Variants in SPATA1 observed in about 807,000 individuals in gnomAD.
SPATA1 encodes spermatogenesis associated 1.
In SPATA1, 57 loss-of-function variants were observed where a neutral mutation model predicts 59.6. The observed-to-expected ratio is 0.96, with a 90% CI of 0.77 to 1.19. The LOEUF (loss-of-function observed/expected upper bound fraction) is 1.19. SPATA1 is among the 50% of genes most tolerant of loss of function. The pLI, the probability that SPATA1 is intolerant of heterozygous loss-of-function variation, is 0.00. For synonymous variants in SPATA1, 147 were observed against 163.9 expected, an observed-to-expected ratio of 0.90 and a Z score of 0.79; for missense variants, 448 against 480.7, an observed-to-expected ratio of 0.93 and a Z score of 0.64.
chr1:84,536,174 G>A (rs890903245), intron 8 of SPATA1, among the ~76,000 whole-genome samples: 5 of 152,216 alleles, frequency 3.3e-5, no homozygotes, highest in Admixed American at 6.5e-5. Flanking sequence ...ATTGGAAATA[G>A]ATTCAGAGCA....
chr1:84,554,098 G>C (rs572456610), exon 13 of SPATA1: 2 of 152,024 alleles, frequency 1.3e-5, no homozygotes, highest in African/African-American at 2.4e-5. Flanking sequence ...ACAACATAGC[G>C]AGACCCTGTC....
intron 8 of SPATA1, among the ~76,000 whole-genome samples, chr1:84,541,581 T>A (rs1431001153): frequency 6.6e-6 from 1 of 152,140 alleles, no homozygotes; most frequent in Non-Finnish European, 1.5e-5. Flanking sequence ...CACCTTCCTA[T>A]TTTCCATTTT....
Position 84,516,215 on chromosome 1 carries a change from C to G in SPATA1, c.-137-8C>G. The G allele has an allele frequency of 1.7e-6, 1 of 603,082 alleles. No homozygotes were observed. Among genetic ancestry groups the G allele is most frequent in the African/African-American group, 2.0e-5 (1 of 50,772 alleles). 37.4% of individuals were successfully genotyped at this position (603,082 alleles called of 1,614,324 possible). A position where few individuals can be genotyped will look rare whatever the true frequency, so the allele number is the denominator to read the frequency against. ...TGTGTTTTCCTTTTTATTTCTTGAACAAATCAGAGACCAGAAATGAGTGGA... is the reference window on the plus strand; with the variant it reads ...TGTGTTTTCCTTTTTATTTCTTGAAGAAATCAGAGACCAGAAATGAGTGGA... On this transcript the variant is annotated splice_region_variant and splice_polypyrimidine_tract_variant and intron_variant, in intron 1 of 12. Transcript: ENST00000490879.
chr1:84,565,291 A>C (rs1684669898), intron 4 of SPATA1, among the ~76,000 whole-genome samples: 2 of 152,214 alleles, frequency 1.3e-5, no homozygotes, highest in Admixed American at 6.5e-5. Context: ...TTTGAAGAGG[A>C]TAATGCAAAG....
chr1:84,566,646 TG>T (rs1368192141), downstream of SPATA1, among the ~76,000 whole-genome samples: 2 of 152,146 alleles, frequency 1.3e-5, no homozygotes, highest in Non-Finnish European at 1.5e-5. Context: ...CTTTCTTTTT[TG>T]GGGGGGATGG....
At chr1:84,543,051 A>C (rs1456796181) in intron 8 of SPATA1, among the ~76,000 whole-genome samples, 1 of 152,194 alleles carries the variant, frequency 6.6e-6, no homozygotes, top group Non-Finnish European at 1.5e-5. Context: ...CAATTATAAC[A>C]ATATACTATA....
At chr1:84,523,925 ATTATT>A (rs1683121800) in intron 4 of SPATA1, among the ~76,000 whole-genome samples, 1 of 151,980 alleles carries the variant, frequency 6.6e-6, no homozygotes, top group South Asian at 2.1e-4. Flanking sequence ...CTAATATTTT[ATTATT>A]TTAAACAGAT....
intron 3 of SPATA1, among the ~76,000 whole-genome samples, chr1:84,521,410 TC>T (rs1433910640): frequency 6.6e-6 from 1 of 152,196 alleles, no homozygotes; most frequent in African/African-American, 2.4e-5. Flanking sequence ...CTAATCTTCA[TC>T]ATCTCTTTCT....
chr1:84,554,446 G>C (rs780380090), exon 13 of SPATA1: 3 of 152,150 alleles, frequency 2.0e-5, no homozygotes, highest in Admixed American at 1.3e-4. Context: ...TTTAGTTCAA[G>C]TACCTCAGAG....
At chr1:84,516,969 T>G (rs1291663261) in intron 2 of SPATA1, among the ~76,000 whole-genome samples, 1 of 152,108 alleles carries the variant, frequency 6.6e-6, no homozygotes, top group Non-Finnish European at 1.5e-5. Context: ...AACAAGTATG[T>G]CATACCATCT....
At chr1:84,560,598 T>C (rs540952886) in intron 4 of SPATA1, among the ~76,000 whole-genome samples, 6 of 152,290 alleles carry the variant, frequency 3.9e-5, no homozygotes, top group African/African-American at 9.6e-5. Context: ...AAATCTTATA[T>C]TGGAAGAAGA....
Position 84,536,740 on chromosome 1 carries a change from G to A in SPATA1, c.717+2974G>A, listed in dbSNP as rs190059079. On this transcript the variant is annotated intron_variant, in intron 8 of 12. Coordinates refer to ENST00000490879, the Ensembl canonical transcript of SPATA1. ...ATTACAGGCATGAGCCACCGCACCCGGCCCACTTAATTCTTTAACCAGACA... is the reference window on the plus strand; with the variant it reads ...ATTACAGGCATGAGCCACCGCACCCAGCCCACTTAATTCTTTAACCAGACA... Among the ~76,000 whole-genome samples the A allele has an allele frequency of 3.7e-3, 560 of 152,094 alleles. 3 individuals are homozygous for A. Among genetic ancestry groups the A allele is most frequent in the Non-Finnish European group, 6.6e-3 (450 of 67,974 alleles).
downstream of SPATA1, among the ~76,000 whole-genome samples, chr1:84,567,305 C>T (rs1684719726): frequency 6.6e-6 from 1 of 152,146 alleles, no homozygotes; most frequent in Non-Finnish European, 1.5e-5. Context: ...ATCACTGCCT[C>T]TTATTACAAA....
intron 8 of SPATA1, among the ~76,000 whole-genome samples, chr1:84,537,480 A>G (rs1166327289): frequency 6.6e-6 from 1 of 152,154 alleles, no homozygotes; most frequent in African/African-American, 2.4e-5. Flanking sequence ...ATGAAGATTC[A>G]CATCCCCTTA....
intron 2 of SPATA1, among the ~76,000 whole-genome samples, chr1:84,518,573 A>AT (rs1682887704): frequency 6.6e-6 from 1 of 151,904 alleles, no homozygotes; most frequent in South Asian, 2.1e-4. Flanking sequence ...TTAGCTTCCC[A>AT]TTTTGTAGGT....
intron 12 of SPATA1, chr1:84,551,994 T>C (rs1028652110): frequency 2.0e-5 from 3 of 151,904 alleles, no homozygotes; most frequent in East Asian, 3.9e-4. Context: ...GAATTGTTCA[T>C]ACAAAAACAG....
Position 84,536,729 on chromosome 1 carries a change from C to G in SPATA1, c.717+2963C>G, listed in dbSNP as rs569937252. On this transcript the variant is annotated intron_variant, in intron 8 of 12. Transcript: ENST00000490879. The stretch of plus-strand genomic sequence containing the variant: ...AAAGTGCTGGGATTACAGGCATGAG[C>G]CACCGCACCCGGCCCACTTAATTCT... Among the ~76,000 whole-genome samples the G allele has an allele frequency of 2.6e-5, 4 of 152,190 alleles. No homozygotes were observed. The East Asian group carries it at 7.8e-4, about 30-fold the overall frequency.
chr1:84,516,910 G>C (rs1682814798), intron 2 of SPATA1, among the ~76,000 whole-genome samples: 1 of 151,842 alleles, frequency 6.6e-6, no homozygotes. Flanking sequence ...TTTTTCTGGT[G>C]GGCAGTCTTA....
intron 1 of SPATA1, among the ~76,000 whole-genome samples, chr1:84,515,025 CAAATT>C (rs1215770397): frequency 6.6e-6 from 1 of 152,000 alleles, no homozygotes; most frequent in East Asian, 1.9e-4. Context: ...TAATATGTAA[CAAATT>C]AAAACTTTTA....
Sources: allele counts gnomAD v4.1 joint callset (sites outside exome capture counted in the v4.1 genomes callset), GRCh38; gene constraint gnomAD v4.1.1; transcripts MANE v1.5; gene names NCBI Gene and HGNC (gene_info 2026-07-23, HGNC 2026-07-21).